OARD1: variants seen among roughly 807,000 people sequenced by gnomAD.
The protein encoded by OARD1 is O-acyl-ADP-ribose deacylase 1.
A neutral mutation model predicts 19.7 loss-of-function variants in OARD1; 19 were observed. That is an observed-to-expected ratio of 0.96 (90% CI 0.67 to 1.41). The LOEUF (loss-of-function observed/expected upper bound fraction) is 1.41, where lower values mean the gene tolerates loss of function less well. Ranked by LOEUF, OARD1 falls within the 40% of genes most tolerant of loss-of-function variation. The pLI is 0.00. For synonymous variants in OARD1, 70 were observed against 61.8 expected (o/e 1.13, Z -0.62); for missense variants, 190 against 183.8 (o/e 1.03, Z -0.20).
chr6:41,067,195 C>G lies in OARD1; in HGVS notation c.*140G>C. Reference sequence around the variant, plus strand: ...CAGTCATAATCCAAATACTTGAATACAGCAACCAAAGTCTGTCTTGTTAAA... The same window carrying G: ...CAGTCATAATCCAAATACTTGAATAGAGCAACCAAAGTCTGTCTTGTTAAA... On this transcript the variant is annotated 3_prime_UTR_variant, in exon 6 of 6. Coordinates refer to ENST00000424266, the MANE Select transcript of OARD1 (RefSeq NM_001329686.2). 1 of 507,980 alleles carries G rather than the reference C, an allele frequency of 2.0e-6. No homozygotes were observed. The highest frequency in any genetic ancestry group is 3.6e-6 in the Non-Finnish European group (1 of 273,994). 31.5% of individuals were successfully genotyped at this position (507,980 alleles called of 1,614,324 possible). A position where few individuals can be genotyped will look rare whatever the true frequency, so the allele number is the denominator to read the frequency against.
intron 2 of OARD1, 146 bp downstream of exon 2, chr6:41,071,450 G>A (rs1488696502): frequency 5.4e-5 from 53 of 980,300 alleles, no homozygotes; most frequent in Non-Finnish European, 6.3e-6. Flanking sequence ...GATGATCCCT[G>A]CCTAGAATTT....
intron 2 of OARD1, 113 bp downstream of exon 2, chr6:41,071,483 G>A (rs1168754287): frequency 9.0e-7 from 1 of 1,105,450 alleles, no homozygotes; most frequent in Non-Finnish European, 1.4e-6. Flanking sequence ...AAGTAAATCA[G>A]CTAGAGAGAA....
chr6:41,097,710 T>TA, intron 1 of OARD1: 1 of 270,844 alleles, frequency 3.7e-6, no homozygotes, highest in African/African-American at 2.2e-5. Context: ...ACAAAGCACT[T>TA]ACCTTGACTG....
rs1276606187 is a variant in OARD1 at position 41,078,972 on chromosome 6, C to G, written c.-41-7297G>C. The G allele has an allele frequency of 5.4e-6, 4 of 742,958 alleles. No homozygotes were observed. In the Admixed American group the frequency reaches 9.5e-5, roughly 18 times the overall value. The allele number at this position is 742,958 out of a possible 1,614,324, so 46.0% of individuals were successfully genotyped here. The stretch of plus-strand genomic sequence containing the variant: ...GTGATAAATTATCCAGGTTAATTGT[C>G]TGGTAAGGCCTTTATTGACAATCTC... On this transcript the variant is annotated intron_variant, in intron 1 of 4. Coordinates refer to the OARD1 transcript ENST00000480585.
intron 1 of OARD1, among the ~76,000 whole-genome samples, chr6:41,089,935 T>G (rs942430995): frequency 6.6e-6 from 1 of 151,942 alleles, no homozygotes; most frequent in African/African-American, 2.4e-5. Flanking sequence ...CTGGCCAACA[T>G]GGTGAAGCCC....
intron 5 of OARD1, among the ~76,000 whole-genome samples, chr6:41,068,215 T>C (rs1484623336): frequency 6.6e-6 from 1 of 152,150 alleles, no homozygotes; most frequent in African/African-American, 2.4e-5. Flanking sequence ...ATGCTCAGCA[T>C]TGACTCAAAA....
intron 1 of OARD1, among the ~76,000 whole-genome samples, chr6:41,096,261 C>A (rs1273400645): frequency 6.6e-6 from 1 of 152,190 alleles, no homozygotes; most frequent in East Asian, 1.9e-4. Context: ...TGAACACTAA[C>A]AACTCTTTCA....
chr6:41,077,202 A>G (rs1763758279), upstream of OARD1, among the ~76,000 whole-genome samples: 2 of 152,206 alleles, frequency 1.3e-5, no homozygotes, highest in African/African-American at 4.8e-5. Flanking sequence ...CATTCCTTTC[A>G]TGATCCTTAT....
chr6:41,095,275 C>A (rs1490928222), intron 1 of OARD1, among the ~76,000 whole-genome samples: 4 of 152,196 alleles, frequency 2.6e-5, no homozygotes, highest in Admixed American at 2.6e-4. Flanking sequence ...TGCATTTCTA[C>A]TTCTTGGTCT....
chr6:41,071,028 T>C, intron 3 of OARD1, 104 bp downstream of exon 3: 1 of 1,215,626 alleles, frequency 8.2e-7, no homozygotes, highest in Non-Finnish European at 1.2e-6. Context: ...TAAAAACATT[T>C]GGTTCTTAGG....
chr6:41,078,248 G>C (rs1283781495), intron 1 of OARD1, among the ~76,000 whole-genome samples: 1 of 152,140 alleles, frequency 6.6e-6, no homozygotes, highest in Non-Finnish European at 1.5e-5. Context: ...CTTTCACACT[G>C]TATTGAGACA....
chr6:41,080,596 T>C (rs1032611218), intron 1 of OARD1, among the ~76,000 whole-genome samples: 3 of 152,168 alleles, frequency 2.0e-5, no homozygotes, highest in African/African-American at 7.2e-5. Flanking sequence ...TGTTTTGAGT[T>C]TTTGAGTCAA....
At position 41,070,152 on chromosome 6, in the gene OARD1, A is replaced by AAGAAAAAGTT; in HGVS notation, c.185-19_185-18insAACTTTTTCT. On this transcript the variant is annotated intron_variant, in intron 3 of 5. Coordinates refer to ENST00000424266, the MANE Select transcript of OARD1 (RefSeq NM_001329686.2). ...TTTCTTTTCTAAGAAAAAGTTATTTAATAGTAGAAATGAAAAAGAAAACCA... is the reference window on the plus strand; with the variant it reads ...TTTCTTTTCTAAGAAAAAGTTATTTAAGAAAAAGTTATAGTAGAAATGAAAAAGAAAACCA... The AAGAAAAAGTT allele has an allele frequency of 7.4e-7, 1 of 1,352,740 alleles. No individual in the cohort carries two copies. The highest frequency in any genetic ancestry group is 1.0e-6 in the Non-Finnish European group (1 of 953,990). 83.8% of individuals were successfully genotyped at this position (1,352,740 alleles called of 1,614,324 possible).
chr6:41,089,059 C>T (rs897494303), intron 1 of OARD1, among the ~76,000 whole-genome samples: 1 of 152,116 alleles, frequency 6.6e-6, no homozygotes, highest in Non-Finnish European at 1.5e-5. Context: ...GATCTCGGCT[C>T]ACTGCAACCT....
Position 41,071,133 on chromosome 6 carries a change from T to C in OARD1, c.183A>G (p.Gln61=). ...KFGGVQELLN[Q]QKKSGEVAVL... ...AGGTAAGTGGTTTCCAAAACTCACG[T>C]TGATTTAAAAGTTCTTGCACCCCTC... The change falls in exon 3 of 6, where the codon CAA becomes CAG. Residue 61 remains glutamine (Q), a splice_region_variant and synonymous_variant. Transcript: ENST00000424266. 1 of 1,614,192 alleles carries C rather than the reference T, an allele frequency of 6.2e-7. No individual in the cohort carries two copies. The highest frequency in any genetic ancestry group is 8.5e-7 in the Non-Finnish European group (1 of 1,179,998).
upstream of OARD1, among the ~76,000 whole-genome samples, chr6:41,076,621 T>C (rs1466932141): frequency 6.6e-6 from 1 of 152,324 alleles, no homozygotes; most frequent in East Asian, 1.9e-4. Flanking sequence ...GAGAAGAGAA[T>C]GCACTAGGAA....
At chr6:41,068,998 C>A in intron 4 of OARD1, 45 bp from the exon 5 acceptor site, 2 of 1,047,374 alleles carry the variant, frequency 1.9e-6, no homozygotes, top group Non-Finnish European at 1.4e-6. Context: ...AAATGATAGC[C>A]AAAGAAAAGT....
intron 1 of OARD1, chr6:41,089,634 T>TGCAGGGCCA: frequency 6.2e-7 from 1 of 1,612,678 alleles, no homozygotes; most frequent in Non-Finnish European, 8.5e-7. Context: ...GCTGTGCAGG[T>TGCAGGGCCA]GCAGGGCCAG....
intron 1 of OARD1, among the ~76,000 whole-genome samples, chr6:41,079,520 C>G (rs1158326369): frequency 6.6e-6 from 1 of 152,212 alleles, no homozygotes; most frequent in Non-Finnish European, 1.5e-5. Context: ...AACAGACAAA[C>G]CAACATAGCT....
Sources: allele counts gnomAD v4.1 joint callset (sites outside exome capture counted in the v4.1 genomes callset), GRCh38; gene constraint gnomAD v4.1.1; transcripts MANE v1.5; gene names NCBI Gene and HGNC (gene_info 2026-07-23, HGNC 2026-07-21).